Variants in GRID2 observed in about 807,000 individuals in gnomAD.
GRID2 encodes the protein glutamate receptor ionotropic, delta-2.
GRID2 carries 33 observed loss-of-function variants against 114.8 expected under a neutral mutation model. The ratio of observed to expected loss-of-function variants is 0.29; its 90% CI spans 0.22 to 0.38. The LOEUF is 0.38. Among genes scored for constraint, GRID2 ranks in the 10% least tolerant of loss-of-function variants. The probability of loss-of-function intolerance (pLI) is 1.00; values close to 1 mark genes in which losing one functional copy is unlikely to be tolerated. For missense variants in GRID2, 1,184 were observed against 1,257.7 expected (o/e 0.94, Z 0.89); for synonymous variants, 505 against 449.9 (o/e 1.12, Z -1.55).
At chr4:92,634,984 G>C (rs1300652303) in intron 2 of GRID2, among the ~76,000 whole-genome samples, 1 of 151,996 alleles carries the variant, frequency 6.6e-6, no homozygotes, top group Non-Finnish European at 1.5e-5. Flanking sequence ...TGCATTGCCA[G>C]ATCTTCTCAG....
intron 12 of GRID2, among the ~76,000 whole-genome samples, chr4:93,504,670 A>G (rs982681674): frequency 6.6e-6 from 1 of 152,058 alleles, no homozygotes; most frequent in Non-Finnish European, 1.5e-5. Context: ...TAAATCTGAA[A>G]TGTGGCATTA....
At chr4:93,564,451 T>C (rs1274975692) in intron 13 of GRID2, among the ~76,000 whole-genome samples, 1 of 152,022 alleles carries the variant, frequency 6.6e-6, no homozygotes, top group Admixed American at 6.6e-5. Context: ...GAGTGCACTT[T>C]CCAGTAGTCA....
At chr4:92,311,735 T>C (rs1725717269) in intron 1 of GRID2, among the ~76,000 whole-genome samples, 1 of 152,056 alleles carries the variant, frequency 6.6e-6, no homozygotes, top group African/African-American at 2.4e-5. Context: ...TATGGTAATA[T>C]AAGCATTACT....
At chr4:92,648,151 A>G (rs1458098213) in intron 2 of GRID2, among the ~76,000 whole-genome samples, 2 of 149,872 alleles carry the variant, frequency 1.3e-5, no homozygotes, top group East Asian at 3.9e-4. Flanking sequence ...CAGTGCCTTG[A>G]TTCAATAGTA....
intron 2 of GRID2, among the ~76,000 whole-genome samples, chr4:93,054,971 G>A (rs1727084157): frequency 6.6e-6 from 1 of 151,416 alleles, no homozygotes; most frequent in Admixed American, 6.6e-5. Flanking sequence ...TTACACACAT[G>A]GGGACAAGTA....
At chr4:93,663,554 T>G (rs1723687810) in intron 14 of GRID2, among the ~76,000 whole-genome samples, 1 of 152,106 alleles carries the variant, frequency 6.6e-6, no homozygotes, top group Non-Finnish European at 1.5e-5. Context: ...AAATAGAATA[T>G]GACCCCAGAG....
chr4:93,573,472 T>C, intron 13 of GRID2, among the ~76,000 whole-genome samples: 1 of 152,140 alleles, frequency 6.6e-6, no homozygotes, highest in Admixed American at 6.6e-5. Context: ...GTGCTTTCAA[T>C]AATTTGGACA....
At chr4:92,814,357 T>C (rs1306649470) in intron 2 of GRID2, among the ~76,000 whole-genome samples, 2 of 152,096 alleles carry the variant, frequency 1.3e-5, no homozygotes, top group African/African-American at 4.8e-5. Flanking sequence ...CTAAAGAATA[T>C]AGTAATAATA....
At chr4:92,465,308 G>A (rs1721694466) in intron 1 of GRID2, among the ~76,000 whole-genome samples, 1 of 151,640 alleles carries the variant, frequency 6.6e-6, no homozygotes, top group South Asian at 2.1e-4. Context: ...GAGAGAACAA[G>A]TACAGACTCA....
Position 93,461,263 on chromosome 4 carries a change from G to C in GRID2, c.1858+5289G>C, listed in dbSNP as rs116638451. ...TGCTATTCTTCCACTTGCTAACAAT[G>C]AAAAGGTGAATTCATTAAAAGACAC... On this transcript the variant is annotated intron_variant, in intron 11 of 15. Coordinates refer to ENST00000282020, the MANE Select transcript of GRID2 (RefSeq NM_001510.4). Among the ~76,000 whole-genome samples the C allele has an allele frequency of 8.4e-3, 1,274 of 152,146 alleles. 26 individuals are homozygous for C. The highest frequency in any genetic ancestry group is 0.029 in the African/African-American group (1,204 of 41,528).
At chr4:92,462,262 G>A (rs34213379) in intron 1 of GRID2, among the ~76,000 whole-genome samples, 6,579 of 152,094 alleles carry the variant, frequency 0.043, 189 homozygotes, top group Middle Eastern at 0.092. Flanking sequence ...AGTTGCCTAC[G>A]CATCACAGTC....
At chr4:93,411,448 A>G (rs1223047375) in intron 9 of GRID2, among the ~76,000 whole-genome samples, 3 of 148,186 alleles carry the variant, frequency 2.0e-5, no homozygotes, top group Non-Finnish European at 4.4e-5. Flanking sequence ...TTTTTTTGAG[A>G]CGGAGTCTTA....
At chr4:92,539,361 C>CA (rs1016275028) in intron 1 of GRID2, among the ~76,000 whole-genome samples, 1 of 151,812 alleles carries the variant, frequency 6.6e-6, no homozygotes. Context: ...TTAATGGTGA[C>CA]AAAAAATTAG....
rs964923744 is a variant in GRID2 at position 93,644,329 on chromosome 4, C to T, written c.2360+17894C>T. Among the ~76,000 whole-genome samples the T allele has an allele frequency of 1.5e-4, 7 of 48,014 alleles. 3 individuals are homozygous for T. The highest frequency in any genetic ancestry group is 1.3e-3 in the African/African-American group (6 of 4,768). 31.5% of individuals were successfully genotyped at this position (48,014 alleles called of 152,430 possible). A position where few individuals can be genotyped will look rare whatever the true frequency, so the allele number is the denominator to read the frequency against. On this transcript the variant is annotated intron_variant, in intron 14 of 15. Transcript: ENST00000282020. ...AGCTGTTCCTATTCGGCCATCTTGG[C>T]TCCTCCCCACTAAAACTTGCATCTT...
chr4:92,923,085 C>A (rs1425856796), intron 2 of GRID2, among the ~76,000 whole-genome samples: 1 of 152,116 alleles, frequency 6.6e-6, no homozygotes, highest in Non-Finnish European at 1.5e-5. Context: ...AATATATCAC[C>A]ATTTTCTACC....
chr4:92,406,544 TA>T (rs1044675644), intron 1 of GRID2, among the ~76,000 whole-genome samples: 39 of 151,962 alleles, frequency 2.6e-4, no homozygotes, highest in Non-Finnish European at 4.6e-4. Context: ...TTCCTTTTTT[TA>T]AAAAAATGTC....
At chr4:92,652,893 A>AATACATATAAATATATATTT (rs1201903424) in intron 2 of GRID2, among the ~76,000 whole-genome samples, 1 of 140,586 alleles carries the variant, frequency 7.1e-6, no homozygotes, top group Non-Finnish European at 1.5e-5. Flanking sequence ...TATATTTATA[A>AATACATATAAATATATATTT]ATACATATAA....
intron 1 of GRID2, among the ~76,000 whole-genome samples, chr4:92,318,064 C>G (rs1177637132): frequency 6.6e-6 from 1 of 151,876 alleles, no homozygotes; most frequent in Non-Finnish European, 1.5e-5. Flanking sequence ...CCCTGTTGAC[C>G]TCCTGTTGAT....
chr4:93,713,990 C>T (rs1253848864), intron 14 of GRID2, among the ~76,000 whole-genome samples: 5 of 151,790 alleles, frequency 3.3e-5, no homozygotes, highest in East Asian at 1.9e-4. Flanking sequence ...AGGTTTGTTA[C>T]GTAGGTAAAC....
Sources: allele counts gnomAD v4.1 joint callset (sites outside exome capture counted in the v4.1 genomes callset), GRCh38; gene constraint gnomAD v4.1.1; transcripts MANE v1.5; gene names NCBI Gene and HGNC (gene_info 2026-07-23, HGNC 2026-07-21).